ATP2B1: variants seen among roughly 807,000 people sequenced by gnomAD.
ATP2B1 encodes plasma membrane calcium-transporting ATPase 1.
A neutral mutation model predicts 124.2 loss-of-function variants in ATP2B1; 14 were observed. The observed-to-expected ratio is 0.11, with a 90% confidence interval of 0.07 to 0.18. The LOEUF is 0.18. Among genes scored for constraint, ATP2B1 ranks in the 10% least tolerant of loss-of-function variants. The pLI, the probability that ATP2B1 is intolerant of heterozygous loss-of-function variation, is 1.00. For missense variants in ATP2B1, 763 were observed against 1,466.1 expected, an observed-to-expected ratio of 0.52 and a Z score of 7.83; for synonymous variants, 449 against 492.4, an observed-to-expected ratio of 0.91 and a Z score of 1.17.
intron 15 of ATP2B1, 104 bp downstream of exon 15, chr12:89,609,833 G>C (rs1297369317): frequency 6.0e-6 from 6 of 1,005,504 alleles, no homozygotes; most frequent in Non-Finnish European, 8.9e-6. Context: ...TAATCTTGAG[G>C]GACAGTGTTT....
chr12:89,645,339 A>C (rs1884278235), intron 2 of ATP2B1, among the ~76,000 whole-genome samples: 3 of 152,232 alleles, frequency 2.0e-5, no homozygotes, highest in Non-Finnish European at 4.4e-5. Context: ...GTTTTGTAAC[A>C]ATAGTCTGTT....
chr12:89,594,913 A>T (rs1246966484), intron 20 of ATP2B1: 1 of 151,956 alleles, frequency 6.6e-6, no homozygotes, highest in African/African-American at 2.4e-5. Flanking sequence ...TTTCATTACT[A>T]CTTTTCTATG....
intron 12 of ATP2B1, among the ~76,000 whole-genome samples, chr12:89,612,847 A>ACC (rs1197442893): frequency 6.6e-6 from 1 of 152,130 alleles, no homozygotes; most frequent in East Asian, 1.9e-4. Context: ...CATCACCAAC[A>ACC]CCTAGTATAC....
intron 3 of ATP2B1, among the ~76,000 whole-genome samples, chr12:89,640,947 G>A (rs2136233278): frequency 6.6e-6 from 1 of 152,264 alleles, no homozygotes; most frequent in Non-Finnish European, 1.5e-5. Context: ...AAGTTAGCCA[G>A]TCTCAGGTAT....
chr12:89,649,624 T>C (rs1884978903), intron 2 of ATP2B1, among the ~76,000 whole-genome samples: 1 of 152,156 alleles, frequency 6.6e-6, no homozygotes, highest in African/African-American at 2.4e-5. Context: ...TTAATACTGG[T>C]ATTAGTTAAA....
At chr12:89,625,922 G>T (rs984959532) in intron 8 of ATP2B1, among the ~76,000 whole-genome samples, 1 of 152,094 alleles carries the variant, frequency 6.6e-6, no homozygotes, top group Non-Finnish European at 1.5e-5. Context: ...AGATGCTACC[G>T]CTGGAGGTCA....
At chr12:89,705,053 C>A (rs921829524) in intron 1 of ATP2B1, among the ~76,000 whole-genome samples, 3 of 151,988 alleles carry the variant, frequency 2.0e-5, no homozygotes, top group Non-Finnish European at 4.4e-5. Flanking sequence ...TCAAAACTGG[C>A]CAGTAAGTAT....
At chr12:89,653,457 C>T (rs920332284) in intron 2 of ATP2B1, among the ~76,000 whole-genome samples, 4 of 151,208 alleles carry the variant, frequency 2.6e-5, no homozygotes, top group South Asian at 2.1e-4. Context: ...CCACCGCGCC[C>T]GGCTAATTTT....
chr12:89,668,968 T>G (rs1887612003), intron 1 of ATP2B1, among the ~76,000 whole-genome samples: 3 of 152,224 alleles, frequency 2.0e-5, no homozygotes, highest in African/African-American at 7.2e-5. Flanking sequence ...TAAAATGCTC[T>G]CTACTCTGAC....
At chr12:89,675,417 C>T (rs1220012721) in intron 1 of ATP2B1, among the ~76,000 whole-genome samples, 2 of 152,200 alleles carry the variant, frequency 1.3e-5, no homozygotes, top group East Asian at 1.9e-4. Flanking sequence ...TGATGGATGA[C>T]GACCTGTATT....
At chr12:89,625,413 G>A (rs1033113095) in intron 8 of ATP2B1, among the ~76,000 whole-genome samples, 6 of 151,762 alleles carry the variant, frequency 4.0e-5, no homozygotes, top group African/African-American at 1.2e-4. Flanking sequence ...GTGAAACCCC[G>A]TCTCTACTAA....
chr12:89,596,936 T>C (rs1348647361), intron 20 of ATP2B1, among the ~76,000 whole-genome samples: 1 of 152,176 alleles, frequency 6.6e-6, no homozygotes, highest in African/African-American at 2.4e-5. Flanking sequence ...AGGCCTCATT[T>C]GGTGAATTCT....
chr12:89,603,316 T>G lies in ATP2B1; in HGVS notation c.2849-62A>C. 7.5e-7 allele frequency: 1 copy of G among 1,336,370 alleles called. No homozygotes were observed. The highest frequency in any genetic ancestry group is 1.0e-6 in the Non-Finnish European group (1 of 986,378). 82.8% of individuals were successfully genotyped at this position (1,336,370 alleles called of 1,614,324 possible). Reference sequence around the variant, plus strand: ...TACCAAATTAGATTTCAAGGAGGTATACAAATTACAACTTAGCTAGACCTT... The same window carrying G: ...TACCAAATTAGATTTCAAGGAGGTAGACAAATTACAACTTAGCTAGACCTT... On this transcript the variant is annotated intron_variant, in intron 17 of 20. Coordinates refer to ENST00000428670, the MANE Select transcript of ATP2B1 (RefSeq NM_001366521.1). The surrounding 1 kb of genome is among the most constrained non-coding windows in gnomAD (Gnocchi z 4.3).
chr12:89,632,670 C>T (rs923062519), intron 5 of ATP2B1, among the ~76,000 whole-genome samples: 3 of 152,084 alleles, frequency 2.0e-5, no homozygotes, highest in Non-Finnish European at 4.4e-5. Flanking sequence ...AAGCCAAGAA[C>T]AGCAGTCAGA....
Position 89,616,217 on chromosome 12 carries a change from G to A in ATP2B1, c.2067+585C>T, listed in dbSNP as rs549870395. Among the ~76,000 whole-genome samples the A allele has an allele frequency of 7.9e-5, 12 of 152,042 alleles. No homozygotes were observed. The South Asian group carries it at 2.5e-3, about 32-fold the overall frequency. ...GGATAGTGCCTGGCACACAGTAGTT[G>A]TTCAACAAACTTAAAAAAGGTGAAA... On this transcript the variant is annotated intron_variant, in intron 12 of 20. Transcript: ENST00000428670.
At chr12:89,659,136 T>C (rs750072776) in intron 1 of ATP2B1, among the ~76,000 whole-genome samples, 1 of 152,234 alleles carries the variant, frequency 6.6e-6, no homozygotes, top group Non-Finnish European at 1.5e-5. Context: ...GGGACTGATA[T>C]ACAACAGAAA....
chr12:89,610,546 T>TAA, intron 13 of ATP2B1, 38 bp from the exon 14 acceptor site: 1 of 1,526,122 alleles, frequency 6.6e-7, no homozygotes, highest in Non-Finnish European at 9.1e-7. Context: ...TGCCCAAACA[T>TAA]AGTTTCTTAA....
intron 2 of ATP2B1, among the ~76,000 whole-genome samples, chr12:89,654,812 T>A (rs1018693538): frequency 1.3e-5 from 2 of 152,180 alleles, no homozygotes; most frequent in Admixed American, 6.5e-5. Flanking sequence ...TTGGAATATA[T>A]ACTAATATAC....
In ATP2B1 at chr12:89,688,454, A is replaced by C. The variant is rs188652890; in HGVS notation, c.-222+20142T>G. On this transcript the variant is annotated intron_variant, in intron 1 of 20. Transcript: ENST00000428670. ...CTTCTAGCTCTGGACTGTACATTTT[A>C]ATGAAACTATTTTATCCTAAGTCTT... 9.7e-4 allele frequency among the ~76,000 whole-genome samples: 147 copies of C among 152,242 alleles called. 2 individuals are homozygous for C. Among genetic ancestry groups the C allele is most frequent in the Non-Finnish European group, 1.5e-4 (10 of 67,982 alleles).
Sources: allele counts gnomAD v4.1 joint callset (sites outside exome capture counted in the v4.1 genomes callset), GRCh38; gene constraint gnomAD v4.1.1; non-coding constraint Gnocchi (gnomAD v3.1); transcripts MANE v1.5; gene names NCBI Gene and HGNC (gene_info 2026-07-23, HGNC 2026-07-21).